The following TRIO variants were observed in gnomAD, a reference collection of about 807,000 sequenced individuals.
TRIO encodes triple functional domain protein.
In TRIO, 58 loss-of-function variants were observed where a neutral mutation model predicts 351.9. The ratio of observed to expected loss-of-function variants is 0.16; its 90% CI spans 0.13 to 0.21. TRIO has a LOEUF of 0.21. Among genes scored for constraint, TRIO ranks in the 10% least tolerant of loss-of-function variants. The pLI is 1.00. For missense variants in TRIO, 3,201 were observed against 4,027.8 expected, an observed-to-expected ratio of 0.79 and a Z score of 5.56; for synonymous variants, 1,758 against 1,595.7, an observed-to-expected ratio of 1.10 and a Z score of -2.42.
At chr5:14,494,546 A>G (rs959885724) in intron 49 of TRIO, among the ~76,000 whole-genome samples, 1 of 152,250 alleles carries the variant, frequency 6.6e-6, no homozygotes, top group Non-Finnish European at 1.5e-5. Context: ...TGCTAAGACA[A>G]TATCCATGCT....
intron 27 of TRIO, among the ~76,000 whole-genome samples, chr5:14,391,790 G>A (rs1298317523): frequency 7.2e-5 from 11 of 152,338 alleles, no homozygotes; most frequent in Non-Finnish European, 8.8e-5. Flanking sequence ...TTATGTGAAA[G>A]TCTGGGGAAG....
At chr5:14,364,199 A>C (rs1336010382) in intron 14 of TRIO, among the ~76,000 whole-genome samples, 1 of 152,218 alleles carries the variant, frequency 6.6e-6, no homozygotes, top group Non-Finnish European at 1.5e-5. Flanking sequence ...TAAATGAACT[A>C]TAAATCCCAG....
chr5:14,285,214 T>A (rs1224190277), intron 3 of TRIO, among the ~76,000 whole-genome samples: 1 of 152,118 alleles, frequency 6.6e-6, no homozygotes, highest in East Asian at 1.9e-4. Flanking sequence ...ATCATTTCAA[T>A]TTACATCCCT....
chr5:14,243,447 A>G (rs559585829), intron 1 of TRIO, among the ~76,000 whole-genome samples: 2 of 152,156 alleles, frequency 1.3e-5, no homozygotes, highest in African/African-American at 4.8e-5. Context: ...TGTCTATGGT[A>G]CTTAAATTAA....
intron 55 of TRIO, 134 bp from the exon 56 acceptor site, chr5:14,506,987 CT>C: frequency 7.9e-7 from 1 of 1,263,682 alleles, no homozygotes. Context: ...CTAGTCACGC[CT>C]TAGAGGCACG....
chr5:14,208,365 G>C (rs1418167855), intron 1 of TRIO, among the ~76,000 whole-genome samples: 1 of 152,218 alleles, frequency 6.6e-6, no homozygotes, highest in Non-Finnish European at 1.5e-5. Context: ...CACAACCTGA[G>C]TGAACCTCAC....
rs1180113077 is a variant in TRIO at position 14,368,849 on chromosome 5, C to T, written c.3016C>T (p.Arg1006Cys). The change falls in exon 17 of 57, where the codon CGC (arginine) becomes TGC (cysteine). Residue 1006 changes from arginine to cysteine, a missense_variant. Transcript: ENST00000344204. ...WQQLMLKMED[R>C]LKLVNASVAF... ...ACAGCTCATGCTCAAGATGGAAGAT[C>T]GCCTCAAGCTCGTCAACGCCTCTGT... 6.2e-7 allele frequency: 1 copy of T among 1,614,146 alleles called. No homozygotes were observed. Among genetic ancestry groups the T allele is most frequent in the Non-Finnish European group, 8.5e-7 (1 of 1,180,032 alleles).
intron 8 of TRIO, among the ~76,000 whole-genome samples, chr5:14,314,180 T>C (rs1739173509): frequency 6.6e-6 from 1 of 152,254 alleles, no homozygotes; most frequent in South Asian, 2.1e-4. Context: ...ATAACACAAA[T>C]TTTATGACAC....
In TRIO at chr5:14,495,531, C is replaced by T. The variant is rs116035674; in HGVS notation, c.7881-1348C>T. 6.3e-3 allele frequency among the ~76,000 whole-genome samples: 961 copies of T among 151,792 alleles called. 9 individuals are homozygous for T. The highest frequency in any genetic ancestry group is 0.017 in the Middle Eastern group (5 of 294). On this transcript the variant is annotated intron_variant, in intron 49 of 56. Coordinates refer to ENST00000344204, the MANE Select transcript of TRIO (RefSeq NM_007118.4). The stretch of plus-strand genomic sequence containing the variant: ...CTTGTTGTCTTACTTTAAGAAATTG[C>T]CCCAGCCAGGCCAGGCGTAGTGGCT...
intron 7 of TRIO, among the ~76,000 whole-genome samples, chr5:14,297,714 G>C (rs1269037034): frequency 6.6e-6 from 1 of 152,182 alleles, no homozygotes; most frequent in African/African-American, 2.4e-5. Flanking sequence ...CAGATGTCAA[G>C]GGTTTAGTTT....
At chr5:14,150,368 T>C (rs1453729308) in intron 1 of TRIO, among the ~76,000 whole-genome samples, 1 of 152,128 alleles carries the variant, frequency 6.6e-6, no homozygotes, top group Non-Finnish European at 1.5e-5. Flanking sequence ...AACTGATTTG[T>C]ATTCTGGTTG....
chr5:14,319,817 C>T (rs902360882), intron 9 of TRIO, among the ~76,000 whole-genome samples: 5 of 152,108 alleles, frequency 3.3e-5, no homozygotes, highest in South Asian at 2.1e-4. Context: ...GGAAGGATGA[C>T]AGAGGGAGTT....
intron 7 of TRIO, among the ~76,000 whole-genome samples, chr5:14,301,868 T>A (rs1737929393): frequency 1.3e-5 from 2 of 152,288 alleles, no homozygotes; most frequent in East Asian, 3.9e-4. Flanking sequence ...CTGTGGAGTC[T>A]AGGGTTGTGT....
chr5:14,497,918 A>G lies in TRIO; in HGVS notation c.8047+44A>G. The G allele has an allele frequency of 6.2e-7, 1 of 1,613,712 alleles. No individual in the cohort carries two copies. The highest frequency in any genetic ancestry group is 1.1e-5 in the South Asian group (1 of 91,060). ...CTTCTAGTCCTAGAGATGATTCTAG[A>G]CCTGTGGGGCATGTTTCAGAGCACT... On this transcript the variant is annotated intron_variant, in intron 51 of 56. Coordinates refer to ENST00000344204, the MANE Select transcript of TRIO (RefSeq NM_007118.4). The surrounding 1 kb of genome is among the most constrained non-coding windows in gnomAD (Gnocchi z 4.4).
At chr5:14,194,008 C>T (rs1179100217) in intron 1 of TRIO, among the ~76,000 whole-genome samples, 1 of 152,198 alleles carries the variant, frequency 6.6e-6, no homozygotes, top group Non-Finnish European at 1.5e-5. Context: ...CAAGGAAGCT[C>T]ATCCCATCAG....
At chr5:14,351,448 T>C (rs556051533) in intron 11 of TRIO, among the ~76,000 whole-genome samples, 10 of 152,332 alleles carry the variant, frequency 6.6e-5, no homozygotes, top group African/African-American at 2.4e-4. Flanking sequence ...GTGGCTTTCA[T>C]ACTTCCCCTG....
At chr5:14,492,469 T>G in intron 48 of TRIO, 98 bp from the exon 49 acceptor site, 1 of 1,531,314 alleles carries the variant, frequency 6.5e-7, no homozygotes, top group Non-Finnish European at 8.9e-7. Flanking sequence ...CTGCACGGGG[T>G]CATGGTGCCA....
chr5:14,291,526 C>CA (rs1418699854), intron 5 of TRIO, among the ~76,000 whole-genome samples: 1 of 151,838 alleles, frequency 6.6e-6, no homozygotes, highest in Non-Finnish European at 1.5e-5. Context: ...GCCGTGCTCA[C>CA]GCCTGTAATC....
chr5:14,340,736 A>G (rs567023601), intron 11 of TRIO, among the ~76,000 whole-genome samples: 2 of 152,346 alleles, frequency 1.3e-5, no homozygotes, highest in Non-Finnish European at 2.9e-5. Flanking sequence ...GTCTTGTTGA[A>G]GACCAGGCTC....
Sources: allele counts gnomAD v4.1 joint callset (sites outside exome capture counted in the v4.1 genomes callset), GRCh38; gene constraint gnomAD v4.1.1; non-coding constraint Gnocchi (gnomAD v3.1); transcripts MANE v1.5; gene names NCBI Gene and HGNC (gene_info 2026-07-23, HGNC 2026-07-21).